CFAP46: variants seen among roughly 807,000 people sequenced by gnomAD.
The protein encoded by CFAP46 is cilia and flagella associated protein 46.
CFAP46 carries 245 observed loss-of-function variants against 325.7 expected under a neutral mutation model. The ratio of observed to expected loss-of-function variants is 0.75; its 90% CI spans 0.68 to 0.84. CFAP46 has a LOEUF of 0.84. Among genes scored for constraint, CFAP46 ranks in the 40% least tolerant of loss-of-function variants. CFAP46 has a pLI of 0.00. For synonymous variants in CFAP46, 1,523 were observed against 1,495.9 expected (o/e 1.02, Z -0.42); for missense variants, 3,346 against 3,543.0 (o/e 0.94, Z 1.41).
intron 46 of CFAP46, among the ~76,000 whole-genome samples, chr10:132,835,870 C>T (rs1848233115): frequency 1.4e-5 from 2 of 139,796 alleles, no homozygotes; most frequent in South Asian, 5.0e-4. Flanking sequence ...AACCACTCCC[C>T]TCCCGCCCCT....
At chr10:132,924,123 C>T (rs2135630873) in intron 11 of CFAP46, among the ~76,000 whole-genome samples, 1 of 152,196 alleles carries the variant, frequency 6.6e-6, no homozygotes, top group African/African-American at 2.4e-5. Context: ...TGGGCCCAGG[C>T]TCTGCAACAG....
At chr10:132,824,408 T>G (rs1244364995) in intron 50 of CFAP46, among the ~76,000 whole-genome samples, 722 of 117,332 alleles carry the variant, frequency 6.2e-3, no homozygotes, top group African/African-American at 0.02. Flanking sequence ...GATGTGTGTT[T>G]TGTGTGCTGT....
rs1848100083 is a variant in CFAP46 at position 132,828,719 on chromosome 10, G to A, written c.7117+4639C>T. 6.6e-6 allele frequency among the ~76,000 whole-genome samples: 1 copy of A among 152,112 alleles called. No individual in the cohort carries two copies. Among genetic ancestry groups the A allele is most frequent in the Non-Finnish European group, 1.5e-5 (1 of 68,030 alleles). On this transcript the variant is annotated intron_variant, in intron 50 of 57. Coordinates refer to ENST00000368586, the MANE Select transcript of CFAP46 (RefSeq NM_001200049.3). The surrounding 1 kb of genome is among the most constrained non-coding windows in gnomAD (Gnocchi z 4.9). The stretch of plus-strand genomic sequence containing the variant: ...AGTGCTTTCTGCTAGAAATGTGAGG[G>A]TCTTTGGTCTCGGATCCATTTCGAG...
chr10:132,909,923 T>C lies in CFAP46; in HGVS notation c.2645A>G (p.Glu882Gly), dbSNP rs1849515876. 1.4e-6 allele frequency: 2 copies of C among 1,456,686 alleles called. No individual in the cohort carries two copies. The highest frequency in any genetic ancestry group is 9.0e-7 in the Non-Finnish European group (1 of 1,106,116). 90.2% of individuals were successfully genotyped at this position (1,456,686 alleles called of 1,614,324 possible). Reference sequence around the variant, plus strand: ...GATGTGGGCAGGGGCGCCCACCTGCTCCTCGGTGCCCAGCCGTGGCCCAAT... The same window carrying C: ...GATGTGGGCAGGGGCGCCCACCTGCCCCTCGGTGCCCAGCCGTGGCCCAAT... ...QQIGPRLGTE[E>G]QGTNEDVSSV... Residue 882 changes from glutamate to glycine, a missense_variant, in exon 20 of 58, where the codon GAG becomes GGG. Physicochemically the swap from Glu to Gly is moderately conservative, Grantham distance 98. Coordinates refer to ENST00000368586, the MANE Select transcript of CFAP46 (RefSeq NM_001200049.3).
intron 20 of CFAP46, among the ~76,000 whole-genome samples, 197 bp from the exon 21 acceptor site, chr10:132,909,441 G>A (rs750062955): frequency 1.3e-5 from 2 of 152,236 alleles, no homozygotes; most frequent in Admixed American, 6.5e-5. Context: ...CCCCAAGTCC[G>A]TGCGGCCCCC....
At chr10:132,845,265 C>A (rs1379847761) in intron 44 of CFAP46, among the ~76,000 whole-genome samples, 1 of 152,238 alleles carries the variant, frequency 6.6e-6, no homozygotes, top group Non-Finnish European at 1.5e-5. Flanking sequence ...AGAAGGACGG[C>A]AGCTTTCCAG....
At chr10:132,927,642 C>T (rs1849833017) in intron 9 of CFAP46, among the ~76,000 whole-genome samples, 2 of 152,354 alleles carry the variant, frequency 1.3e-5, no homozygotes, top group South Asian at 4.1e-4. Context: ...GCGTTCCGTG[C>T]TTCCCACACG....
intron 17 of CFAP46, among the ~76,000 whole-genome samples, chr10:132,916,296 G>T (rs114309176): frequency 0.034 from 5,171 of 152,294 alleles, 108 homozygotes; most frequent in African/African-American, 0.054. Flanking sequence ...ACTCCTGAAC[G>T]TTTCCTCGTA....
At chr10:132,933,318 G>A (rs1280287675) in intron 8 of CFAP46, among the ~76,000 whole-genome samples, 1 of 152,370 alleles carries the variant, frequency 6.6e-6, no homozygotes, top group African/African-American at 2.4e-5. Flanking sequence ...TGCTGGGCAG[G>A]TCGGGAAGAG....
intron 44 of CFAP46, among the ~76,000 whole-genome samples, chr10:132,845,649 A>T (rs1217799361): frequency 6.6e-6 from 1 of 152,238 alleles, no homozygotes; most frequent in Non-Finnish European, 1.5e-5. Context: ...CCTGCTCCAC[A>T]GACATGTTTC....
chr10:132,846,774 C>T (rs996838761), intron 43 of CFAP46, among the ~76,000 whole-genome samples, 158 bp downstream of exon 43: 4 of 152,238 alleles, frequency 2.6e-5, no homozygotes, highest in Admixed American at 6.5e-5. Flanking sequence ...CTCTGAGCCA[C>T]AAGTTTACGT....
chr10:132,823,676 C>CTGTGTGCTGA (rs1224470164), intron 50 of CFAP46, among the ~76,000 whole-genome samples: 1 of 104,794 alleles, frequency 9.5e-6, no homozygotes, highest in Non-Finnish European at 1.8e-5. Flanking sequence ...CTGATGTGTG[C>CTGTGTGCTGA]TGTGTGCTGA....
Position 132,885,158 on chromosome 10 carries a change from G to A in CFAP46, c.3572C>T (p.Ser1191Leu), listed in dbSNP as rs575250325. 9 of 1,550,326 alleles carry A rather than the reference G, an allele frequency of 5.8e-6. No individual in the cohort carries two copies. Among genetic ancestry groups the A allele is most frequent in the East Asian group, 4.9e-5 (2 of 40,914 alleles). Residue 1191 changes from serine (S) to leucine (L), a missense_variant, in exon 27 of 58, where the codon TCG (serine) becomes TTG (leucine). Physicochemically the swap from Ser to Leu is moderately radical, Grantham distance 145. Coordinates refer to ENST00000368586, the MANE Select transcript of CFAP46 (RefSeq NM_001200049.3). ...GGCCAGCTCTCCAGACACGCTCGGC[G>A]AGTTCAGGGCCAGGCGGTGCCACAT... is the stretch of plus-strand genomic sequence containing the variant. Reference protein sequence around the residue: ...ARMWHRLALNSPSVSGELACY... With the variant: ...ARMWHRLALNLPSVSGELACY...
chr10:132,893,452 G>C (rs781319209), intron 24 of CFAP46, among the ~76,000 whole-genome samples: 4 of 152,224 alleles, frequency 2.6e-5, no homozygotes, highest in Non-Finnish European at 4.4e-5. Flanking sequence ...CTCCTCCTGG[G>C]TGAACCTGGG....
chr10:132,895,771 G>A (rs545479524), intron 24 of CFAP46, among the ~76,000 whole-genome samples: 31 of 152,342 alleles, frequency 2.0e-4, no homozygotes, highest in Admixed American at 4.6e-4. Context: ...CCTCACTGTG[G>A]TGGTATTTGG....
chr10:132,846,736 CG>C (rs1456742675), intron 43 of CFAP46, among the ~76,000 whole-genome samples, 195 bp downstream of exon 43: 3 of 152,212 alleles, frequency 2.0e-5, no homozygotes, highest in African/African-American at 7.2e-5. Flanking sequence ...TGCAGGGGAT[CG>C]GGGATAAGCA....
intron 55 of CFAP46, among the ~76,000 whole-genome samples, chr10:132,811,928 G>A (rs1565030720): frequency 6.6e-6 from 1 of 152,214 alleles, no homozygotes; most frequent in Non-Finnish European, 1.5e-5. Context: ...CCCTCATGGG[G>A]GGCACAGCAA....
At position 132,877,475 on chromosome 10, in the gene CFAP46, C is replaced by T. The variant is rs1848972608; in HGVS notation, c.4212+406G>A. ...AAACACTTTTCTCACTGCTCTGGGACCCAGGCCCTGGGCTGTGTCTGCTGC... is the reference window on the plus strand; with the variant it reads ...AAACACTTTTCTCACTGCTCTGGGATCCAGGCCCTGGGCTGTGTCTGCTGC... On this transcript the variant is annotated intron_variant, in intron 30 of 57. Coordinates refer to ENST00000368586, the MANE Select transcript of CFAP46 (RefSeq NM_001200049.3). The surrounding 1 kb of genome is among the most constrained non-coding windows in gnomAD (Gnocchi z 5.7). Among the ~76,000 whole-genome samples the T allele has an allele frequency of 6.6e-6, 1 of 152,200 alleles. No homozygotes were observed. The highest frequency in any genetic ancestry group is 6.5e-5 in the Admixed American group (1 of 15,280).
chr10:132,931,652 CT>C (rs1849906013), intron 8 of CFAP46, among the ~76,000 whole-genome samples: 1 of 137,112 alleles, frequency 7.3e-6, no homozygotes, highest in Non-Finnish European at 1.6e-5. Context: ...CTGGGCCTCC[CT>C]ACACTCCCCA....
Sources: allele counts gnomAD v4.1 joint callset (sites outside exome capture counted in the v4.1 genomes callset), GRCh38; gene constraint gnomAD v4.1.1; non-coding constraint Gnocchi (gnomAD v3.1); transcripts MANE v1.5; gene names NCBI Gene and HGNC (gene_info 2026-07-23, HGNC 2026-07-21).